Variants in MYO1A observed in about 807,000 individuals in gnomAD.
MYO1A encodes the protein unconventional myosin-Ia.
MYO1A carries 127 observed loss-of-function variants against 138.5 expected under a neutral mutation model. That is an observed-to-expected ratio of 0.92 (90% CI 0.79 to 1.06). The LOEUF is 1.06. Ranked by LOEUF, MYO1A falls within the 50% of genes least tolerant of loss-of-function variation. The pLI, the probability that MYO1A is intolerant of heterozygous loss-of-function variation, is 0.00. For synonymous variants in MYO1A, 477 were observed against 497.5 expected, an observed-to-expected ratio of 0.96 and a Z score of 0.55; for missense variants, 1,211 against 1,288.8, an observed-to-expected ratio of 0.94 and a Z score of 0.92.
chr12:57,047,015 T>C (rs1383708103), intron 6 of MYO1A, 46 bp downstream of exon 6: 1 of 1,612,906 alleles, frequency 6.2e-7, no homozygotes, highest in Non-Finnish European at 8.5e-7. Context: ...TCCTCCCTCT[T>C]AAGCCCCCAC....
At position 57,041,193 on chromosome 12, in the gene MYO1A, A is replaced by G. The variant is rs1252914002; in HGVS notation, c.1260T>C (p.Tyr420=). Residue 420 remains tyrosine (Y), a synonymous_variant, in exon 14 of 28, where the codon TAT becomes TAC. Coordinates refer to ENST00000300119, the MANE Select transcript of MYO1A (RefSeq NM_005379.4). ...EMTLKEEQEE[Y]KREGIPWTKV... is the part of the protein sequence containing the mutation. Reference sequence around the variant, plus strand: ...AAAAGACTTGGTTTACTTCTCTCTTATATTCCTCTTGCTCTTCTTTCAGGG... The same window carrying G: ...AAAAGACTTGGTTTACTTCTCTCTTGTATTCCTCTTGCTCTTCTTTCAGGG... The G allele has an allele frequency of 6.2e-7, 1 of 1,612,422 alleles. No individual in the cohort carries two copies. The highest frequency in any genetic ancestry group is 8.5e-7 in the Non-Finnish European group (1 of 1,179,486).
rs1420598726 is a variant in MYO1A, at chr12:57,048,178, T to A, written c.114+32A>T. 5 of 1,604,384 alleles carry A rather than the reference T, an allele frequency of 3.1e-6. No homozygotes were observed. In the East Asian group the frequency reaches 6.7e-5, roughly 21 times the overall value. On this transcript the variant is annotated intron_variant, in intron 2 of 27. Transcript: ENST00000300119. ...AGCCTGTGACCTCTCCAGCCACATATCCACAGCCAGAGGCACCCATATGAC... is the reference window on the plus strand; with the variant it reads ...AGCCTGTGACCTCTCCAGCCACATAACCACAGCCAGAGGCACCCATATGAC...
intron 23 of MYO1A, 44 bp downstream of exon 23, chr12:57,030,994 GAA>G: frequency 1.9e-6 from 3 of 1,604,074 alleles, no homozygotes; most frequent in Non-Finnish European, 1.7e-6. Context: ...CAGGGGGAGG[GAA>G]AAAAAAGACG....
Position 57,039,280 on chromosome 12 carries a change from C to T in MYO1A, c.1270-6G>A, listed in dbSNP as rs896839880. 6.2e-7 allele frequency: 1 copy of T among 1,612,986 alleles called. No homozygotes were observed. Among genetic ancestry groups the T allele is most frequent in the Non-Finnish European group, 8.5e-7 (1 of 1,179,010 alleles). ...ACCTTTGTCCACGGTATGCCCTGGT[C>T]AGGGGAGACAACAAATTACAGGGAA... On this transcript the variant is annotated splice_polypyrimidine_tract_variant and splice_region_variant and intron_variant, in intron 14 of 27. Coordinates refer to ENST00000300119, the MANE Select transcript of MYO1A (RefSeq NM_005379.4).
rs747555660 is a variant in MYO1A, at chr12:57,038,868, G to A, written c.1474C>T (p.Arg492Cys). ...YESKVTQNAQ[R>C]QYDHTMGLSC... ...AGGCCCATGGTGTGGTCATACTGAC[G>A]CTGGGCATTCTGGGTGACTTTGCTC... The change falls in exon 16 of 28, where the codon CGT (arginine) becomes TGT (cysteine). Residue 492 changes from arginine to cysteine, a missense_variant. Coordinates refer to ENST00000300119, the MANE Select transcript of MYO1A (RefSeq NM_005379.4). The A allele has an allele frequency of 1.9e-5, 30 of 1,614,036 alleles. 1 individual carries two copies. The South Asian group carries it at 2.2e-4, about 12-fold the overall frequency.
Position 57,036,381 on chromosome 12 carries a change from C to A in MYO1A, c.2275G>T (p.Ala759Ser), listed in dbSNP as rs1270034722. Residue 759 changes from alanine (A) to serine (S), a missense_variant and splice_region_variant, in exon 22 of 28, where the codon GCC (alanine) becomes TCC (serine). Coordinates refer to ENST00000300119, the MANE Select transcript of MYO1A (RefSeq NM_005379.4). The part of the protein sequence containing the change: ...LIQAFVRGWK[A>S]RKNYRKYFRS... ...AAATATTTGCGATAATTCTTTCGGG[C>A]CTGGCAGAAAAGTACAAGAAAGGAG... The A allele has an allele frequency of 6.2e-7, 1 of 1,613,802 alleles. No homozygotes were observed. The highest frequency in any genetic ancestry group is 2.2e-5 in the East Asian group (1 of 44,888).
chr12:57,028,996 G>C, intron 27 of MYO1A, 115 bp from the exon 28 acceptor site: 4 of 1,592,278 alleles, frequency 2.5e-6, no homozygotes, highest in Non-Finnish European at 3.4e-6. Context: ...CAGAGAACCT[G>C]GGTGGGGGCC....
chr12:57,046,678 C>A, intron 7 of MYO1A, 28 bp from the exon 8 acceptor site: 1 of 1,595,594 alleles, frequency 6.3e-7, no homozygotes, highest in Non-Finnish European at 8.6e-7. Context: ...AAATAATATC[C>A]TGAGGGCCTG....
At position 57,046,635 on chromosome 12, in the gene MYO1A, G is replaced by T. The variant is rs896335299; in HGVS notation, c.557C>A (p.Ser186Tyr). ...TCCTTTGAGCTGCTTCACTAATCGG[G>T]ATTTCTCAAGCAGATCTGGCAGAGA... ...GVITNYLLEK[S>Y]RLVKQLKGER... Residue 186 changes from serine to tyrosine, a missense_variant, in exon 8 of 28, where the codon TCC (serine) becomes TAC (tyrosine). Ser to Tyr is a moderately radical substitution (Grantham distance 144). Coordinates refer to ENST00000300119, the MANE Select transcript of MYO1A (RefSeq NM_005379.4). The T allele has an allele frequency of 5.6e-6, 9 of 1,613,846 alleles. No homozygotes were observed. Among genetic ancestry groups the T allele is most frequent in the African/African-American group, 4.0e-5 (3 of 74,888 alleles).
At chr12:57,032,897 T>C (rs1159121990) in intron 22 of MYO1A, among the ~76,000 whole-genome samples, 1 of 152,192 alleles carries the variant, frequency 6.6e-6, no homozygotes, top group Non-Finnish European at 1.5e-5. Context: ...TACAGAAAAG[T>C]TGAAAAAAGA....
rs1396115198 is a variant in MYO1A at position 57,028,565 on chromosome 12, G to T, written c.*190C>A. 1.4e-6 allele frequency: 1 copy of T among 694,750 alleles called. No individual in the cohort carries two copies. The highest frequency in any genetic ancestry group is 2.4e-6 in the Non-Finnish European group (1 of 423,784). The allele number at this position is 694,750 out of a possible 1,614,324, so 43.0% of individuals were successfully genotyped here. Reference sequence around the variant, plus strand: ...TTATTAGTGTGCAGAGAGGCTGCGGGTTGGAGGAAGCTACTTTTGGAGGAG... The same window carrying T: ...TTATTAGTGTGCAGAGAGGCTGCGGTTTGGAGGAAGCTACTTTTGGAGGAG... On this transcript the variant is annotated 3_prime_UTR_variant, in exon 28 of 28. Coordinates refer to ENST00000300119, the MANE Select transcript of MYO1A (RefSeq NM_005379.4).
Position 57,028,536 on chromosome 12 carries a change from T to G in MYO1A, c.*219A>C. On this transcript the variant is annotated 3_prime_UTR_variant, in exon 28 of 28. Transcript: ENST00000300119. ...CCTGACTGAACCTTTCCAAGCCACA[T>G]GTTTTATTAGTGTGCAGAGAGGCTG... 1 of 553,024 alleles carries G rather than the reference T, an allele frequency of 1.8e-6. No homozygotes were observed. 34.3% of individuals were successfully genotyped at this position (553,024 alleles called of 1,614,324 possible). A position where few individuals can be genotyped will look rare whatever the true frequency, so the allele number is the denominator to read the frequency against.
chr12:57,047,265 A>T (rs1280376740), intron 5 of MYO1A, 38 bp downstream of exon 5: 1 of 1,592,980 alleles, frequency 6.3e-7, no homozygotes, highest in African/African-American at 1.3e-5. Flanking sequence ...TCTGGGGGTT[A>T]GATGGAGGGT....
chr12:57,047,497 C>G lies in MYO1A; in HGVS notation c.326-90G>C, dbSNP rs981780478. On this transcript the variant is annotated intron_variant, in intron 4 of 27. Coordinates refer to ENST00000300119, the MANE Select transcript of MYO1A (RefSeq NM_005379.4). ...CTTGCTTCACCCCAGTGCCTCACCA[C>G]CCCTTGGAGTCAGAAAAAGTGGAAA... The G allele has an allele frequency of 9.4e-6, 14 of 1,497,300 alleles. No homozygotes were observed. The South Asian group carries it at 1.6e-4, about 17-fold the overall frequency. 92.8% of individuals were successfully genotyped at this position (1,497,300 alleles called of 1,614,324 possible).
intron 5 of MYO1A, 65 bp downstream of exon 5, chr12:57,047,238 G>T (rs2031141409): frequency 1.3e-6 from 2 of 1,578,076 alleles, no homozygotes; most frequent in East Asian, 2.2e-5. Flanking sequence ...GGGGAAGAGG[G>T]TCTAGGGCTC....
Position 57,048,121 on chromosome 12 carries a change from G to C in MYO1A, c.115-17C>G. 6.2e-7 allele frequency: 1 copy of C among 1,610,684 alleles called. No homozygotes were observed. Among genetic ancestry groups the C allele is most frequent in the Non-Finnish European group, 8.5e-7 (1 of 1,176,826 alleles). ...AATGTAGGTCTGGAGCCAGGAAGAAGGTGAAGGGAATGAGCTTGAGGGTGA... is the reference window on the plus strand; with the variant it reads ...AATGTAGGTCTGGAGCCAGGAAGAACGTGAAGGGAATGAGCTTGAGGGTGA... On this transcript the variant is annotated splice_polypyrimidine_tract_variant and intron_variant, in intron 2 of 27. Transcript: ENST00000300119.
chr12:57,046,798 G>C, intron 7 of MYO1A, 65 bp downstream of exon 7: 1 of 1,568,320 alleles, frequency 6.4e-7, no homozygotes, highest in Non-Finnish European at 8.8e-7. Flanking sequence ...TACAGGAACA[G>C]ATTAGCAGAA....
intron 24 of MYO1A, 166 bp from the exon 25 acceptor site, chr12:57,030,038 G>A (rs910368011): frequency 1.1e-5 from 15 of 1,343,462 alleles, no homozygotes; most frequent in Non-Finnish European, 1.4e-5. Flanking sequence ...CACCTGGGGA[G>A]TTGTTAGAAA....
chr12:57,040,816 C>CG (rs757787904), intron 14 of MYO1A, among the ~76,000 whole-genome samples: 10 of 152,230 alleles, frequency 6.6e-5, no homozygotes, highest in Non-Finnish European at 1.0e-4. Context: ...AGCTAGGGCC[C>CG]GGGGGAGACC....
Sources: allele counts gnomAD v4.1 joint callset (sites outside exome capture counted in the v4.1 genomes callset), GRCh38; gene constraint gnomAD v4.1.1; transcripts MANE v1.5; gene names NCBI Gene and HGNC (gene_info 2026-07-23, HGNC 2026-07-21).